The following SEMA6A variants were observed in gnomAD, a reference collection of about 807,000 sequenced individuals.
The protein encoded by SEMA6A is semaphorin 6A.
In SEMA6A, 25 loss-of-function variants were observed where a neutral mutation model predicts 96.8. The ratio of observed to expected loss-of-function variants is 0.26; its 90% CI spans 0.19 to 0.36. The LOEUF is 0.36. SEMA6A is among the 10% of genes least tolerant of loss of function. The pLI, the probability that SEMA6A is intolerant of heterozygous loss-of-function variation, is 1.00. For missense variants in SEMA6A, 1,363 were observed against 1,323.1 expected, an observed-to-expected ratio of 1.03 and a Z score of -0.47; for synonymous variants, 612 against 518.0, an observed-to-expected ratio of 1.18 and a Z score of -2.46.
At chr5:116,572,447 C>T (rs534144813) in intron 1 of SEMA6A, among the ~76,000 whole-genome samples, 2 of 152,242 alleles carry the variant, frequency 1.3e-5, no homozygotes, top group Non-Finnish European at 2.9e-5. Context: ...GTGCTTGCCC[C>T]GGCTGTGAAG....
rs1391944884 is a variant in SEMA6A at position 116,477,832 on chromosome 5, C to T, written c.1649+14G>A. On this transcript the variant is annotated intron_variant, in intron 15 of 18. Coordinates refer to ENST00000343348, the MANE Select transcript of SEMA6A (RefSeq NM_020796.5). ...GAAGCCACTTCACCCTCTCCCACAC[C>T]TCAGGCTGCCTACCTGCTGTTGGGT... The T allele has an allele frequency of 3.1e-6, 5 of 1,613,270 alleles. 1 individual carries two copies. In the South Asian group the frequency reaches 4.4e-5, roughly 14 times the overall value.
At chr5:116,456,072 C>A (rs1055928736) in intron 18 of SEMA6A, among the ~76,000 whole-genome samples, 5 of 152,180 alleles carry the variant, frequency 3.3e-5, no homozygotes, top group African/African-American at 1.2e-4. Context: ...TTTAAGGCAA[C>A]ACTTTGGTAG....
intron 1 of SEMA6A, among the ~76,000 whole-genome samples, chr5:116,555,783 T>C (rs548072732): frequency 4.6e-5 from 7 of 152,120 alleles, no homozygotes. Context: ...GCTATGATCA[T>C]GCCATGCTAC....
At chr5:116,527,320 T>C (rs1373200368) in intron 1 of SEMA6A, among the ~76,000 whole-genome samples, 1 of 152,168 alleles carries the variant, frequency 6.6e-6, no homozygotes, top group Non-Finnish European at 1.5e-5. Context: ...TTCAAAATGT[T>C]GGAAAAAGAA....
At chr5:116,454,498 C>G (rs1399680219) in intron 18 of SEMA6A, among the ~76,000 whole-genome samples, 4 of 152,150 alleles carry the variant, frequency 2.6e-5, no homozygotes, top group Non-Finnish European at 5.9e-5. Context: ...ACTAGCCAAG[C>G]ATCGCCCCGC....
intron 3 of SEMA6A, chr5:116,498,339 TC>T (rs1378288379): frequency 6.6e-6 from 1 of 152,078 alleles, no homozygotes; most frequent in African/African-American, 2.4e-5. Flanking sequence ...GACTTTTAAG[TC>T]CCCTCGTTAC....
In SEMA6A at chr5:116,467,549, C is replaced by G. The variant is rs533286367; in HGVS notation, c.1894+34G>C. On this transcript the variant is annotated intron_variant, in intron 18 of 18. Transcript: ENST00000343348. ...GTCCTCCCCACTTTTCCCTCCCTCT[C>G]CCCCGAGAGGAAGAGGCATTTCCAA... 54 of 1,581,588 alleles carry G rather than the reference C, an allele frequency of 3.4e-5. No homozygotes were observed. In the East Asian group the frequency reaches 1.2e-3, roughly 34 times the overall value.
rs761557203 is a variant in SEMA6A at position 116,467,678 on chromosome 5, C to T, written c.1799G>A (p.Arg600Lys). 6.2e-7 allele frequency: 1 copy of T among 1,613,818 alleles called. No individual in the cohort carries two copies. The highest frequency in any genetic ancestry group is 1.1e-5 in the South Asian group (1 of 91,064). ...ATGCTTCCAGTCCAGCATTCCTCCCCTAGACTCATACCCCTCTTGAGCCGT... is the reference window on the plus strand; with the variant it reads ...ATGCTTCCAGTCCAGCATTCCTCCCTTAGACTCATACCCCTCTTGAGCCGT... Reference protein sequence around the residue: ...DSTAQEGYESRGGMLDWKHLL... With the variant: ...DSTAQEGYESKGGMLDWKHLL... Residue 600 changes from arginine (R) to lysine (K), a missense_variant, in exon 18 of 19, where the codon AGG becomes AAG. Coordinates refer to ENST00000343348, the MANE Select transcript of SEMA6A (RefSeq NM_020796.5).
intron 2 of SEMA6A, among the ~76,000 whole-genome samples, chr5:116,504,477 G>C (rs1037340605): frequency 2.0e-5 from 3 of 152,090 alleles, no homozygotes; most frequent in African/African-American, 7.2e-5. Flanking sequence ...TTCATATTTT[G>C]CAACAGTCCG....
chr5:116,534,759 G>A (rs116611986), intron 1 of SEMA6A, among the ~76,000 whole-genome samples: 2,171 of 152,302 alleles, frequency 0.014, 29 homozygotes, highest in Non-Finnish European at 0.024. Flanking sequence ...TGAGTCCTTG[G>A]ATCATGTCCC....
chr5:116,491,867 C>T, intron 6 of SEMA6A, 37 bp from the exon 7 acceptor site: 1 of 1,506,232 alleles, frequency 6.6e-7, no homozygotes, highest in Middle Eastern at 1.7e-4. Flanking sequence ...CAAACAACAA[C>T]CTTTTCTTTT....
intron 1 of SEMA6A, among the ~76,000 whole-genome samples, chr5:116,512,589 T>C (rs777600121): frequency 1.2e-4 from 19 of 152,196 alleles, no homozygotes; most frequent in Non-Finnish European, 2.2e-4. Flanking sequence ...AAAATATCTT[T>C]TCAAAAAATA....
chr5:116,532,372 C>T (rs901853064), intron 1 of SEMA6A, among the ~76,000 whole-genome samples: 1 of 152,190 alleles, frequency 6.6e-6, no homozygotes, highest in Non-Finnish European at 1.5e-5. Flanking sequence ...CACTGAGATA[C>T]TTTTATGCAG....
intron 1 of SEMA6A, among the ~76,000 whole-genome samples, chr5:116,542,307 C>T (rs1760007291): frequency 6.6e-6 from 1 of 152,156 alleles, no homozygotes; most frequent in Admixed American, 6.5e-5. Context: ...CTGGACACTT[C>T]TTTGAAAAAT....
At chr5:116,467,935 A>C in intron 17 of SEMA6A, 188 bp from the exon 18 acceptor site, 1 of 598,254 alleles carries the variant, frequency 1.7e-6, no homozygotes, top group Non-Finnish European at 2.9e-6. Context: ...TTCAGCAGAA[A>C]GCCCATTGAA....
At chr5:116,562,888 TG>T (rs1760875764) in intron 1 of SEMA6A, 3 of 620,624 alleles carry the variant, frequency 4.8e-6, no homozygotes, top group Non-Finnish European at 9.2e-6. Context: ...CTCCTGGACC[TG>T]GGGCCCAGTC....
chr5:116,502,426 G>T, intron 2 of SEMA6A, 99 bp from the exon 3 acceptor site: 1 of 909,456 alleles, frequency 1.1e-6, no homozygotes, highest in Non-Finnish European at 1.8e-6. Context: ...AGAAACCCGT[G>T]TTTAAGTCAG....
At chr5:116,518,006 G>C (rs921994173) in intron 1 of SEMA6A, among the ~76,000 whole-genome samples, 67 of 152,296 alleles carry the variant, frequency 4.4e-4, no homozygotes, top group African/African-American at 1.6e-3. Flanking sequence ...TTGTCAACTG[G>C]CAGTATCTGC....
At chr5:116,553,734 AAG>A (rs1299488822) in intron 1 of SEMA6A, among the ~76,000 whole-genome samples, 11 of 152,226 alleles carry the variant, frequency 7.2e-5, no homozygotes, top group Admixed American at 5.9e-4. Flanking sequence ...GAGAATGGGA[AAG>A]AGGGGGTGGA....
Sources: gnomAD v4.1 joint callset for allele counts (sites outside exome capture counted in the v4.1 genomes callset) on GRCh38, gnomAD v4.1.1 for gene constraint, MANE v1.5 for transcripts, NCBI Gene and HGNC (gene_info 2026-07-23, HGNC 2026-07-21) for gene names.